PTPRK: variants seen among roughly 807,000 people sequenced by gnomAD.
PTPRK encodes the protein protein tyrosine phosphatase receptor type K, also known as receptor-type tyrosine-protein phosphatase kappa.
Under a neutral mutation model 178.0 loss-of-function variants are expected in PTPRK, and 75 were observed. The ratio of observed to expected loss-of-function variants is 0.42; its 90% CI spans 0.35 to 0.51. The LOEUF is 0.51. Ranked by LOEUF, PTPRK falls within the 20% of genes least tolerant of loss-of-function variation. The pLI is 0.02. For missense variants in PTPRK, 1,441 were observed against 1,797.8 expected, an observed-to-expected ratio of 0.80 and a Z score of 3.59; for synonymous variants, 637 against 620.6, an observed-to-expected ratio of 1.03 and a Z score of -0.39.
intron 1 of PTPRK, among the ~76,000 whole-genome samples, chr6:128,483,181 G>GT (rs1305258815): frequency 6.6e-6 from 1 of 152,056 alleles, no homozygotes; most frequent in African/African-American, 2.4e-5. Context: ...CAAAAGTCGT[G>GT]TTTTTTCTAC....
chr6:128,464,426 C>G (rs1849479936), intron 1 of PTPRK, among the ~76,000 whole-genome samples: 1 of 151,466 alleles, frequency 6.6e-6, no homozygotes, highest in African/African-American at 2.4e-5. Flanking sequence ...TTTGTGTGAT[C>G]TGCCTTAGGA....
chr6:128,193,279 TGA>T (rs1491261902), intron 6 of PTPRK, among the ~76,000 whole-genome samples: 32 of 19,406 alleles, frequency 1.6e-3, no homozygotes, highest in African/African-American at 5.0e-3. Context: ...ATCCAGCTTG[TGA>T]AAAAAAAAAA....
At chr6:128,209,080 A>AC (rs760500099) in intron 6 of PTPRK, among the ~76,000 whole-genome samples, 85 of 147,822 alleles carry the variant, frequency 5.8e-4, no homozygotes, top group Middle Eastern at 3.5e-3. Flanking sequence ...TACCATAACC[A>AC]CCCCCCCCAG....
chr6:128,238,295 G>A, intron 5 of PTPRK: 1 of 355,720 alleles, frequency 2.8e-6, no homozygotes, highest in Non-Finnish European at 5.3e-6. Flanking sequence ...AAAAATGGCA[G>A]GAGGAACATT....
chr6:128,160,946 G>A (rs1331666677), intron 7 of PTPRK, among the ~76,000 whole-genome samples: 4 of 151,476 alleles, frequency 2.6e-5, no homozygotes, highest in Non-Finnish European at 5.9e-5. Context: ...ACCTATATTT[G>A]TATAAAATTT....
At position 127,990,834 on chromosome 6, in the gene PTPRK, T is replaced by G; in HGVS notation, c.3031A>C (p.Lys1011Gln). The G allele has an allele frequency of 6.2e-7, 1 of 1,612,366 alleles. No homozygotes were observed. Among genetic ancestry groups the G allele is most frequent in the Non-Finnish European group, 8.5e-7 (1 of 1,178,744 alleles). The change falls in exon 21 of 30, where the codon AAA (lysine) becomes CAA (glutamine). Residue 1011 changes from lysine to glutamine, a missense_variant. Around this residue, in one of 4 missense-constraint regions of PTPRK, gnomAD observed 945 missense variants for 1,080.6 expected, o/e 0.87. Coordinates refer to ENST00000368226, the MANE Select transcript of PTPRK (RefSeq NM_002844.4). The stretch of plus-strand genomic sequence containing the variant: ...GGTTCCATTTCTACACACGTTACTT[T>G]GAAGTCACCATAAACTTCAGTATCA... ...PDDTEVYGDF[K>Q]VTCVEMEPLA...
intron 13 of PTPRK, among the ~76,000 whole-genome samples, chr6:128,034,955 CA>C (rs2114811955): frequency 2.6e-5 from 4 of 152,258 alleles, no homozygotes; most frequent in African/African-American, 9.6e-5. Flanking sequence ...AAAAGTGAAA[CA>C]GACATGAAAA....
At chr6:128,034,319 T>C (rs1775840412) in intron 13 of PTPRK, among the ~76,000 whole-genome samples, 2 of 152,320 alleles carry the variant, frequency 1.3e-5, no homozygotes, top group Admixed American at 6.5e-5. Context: ...AGAAAAGCTA[T>C]AAGATGTATT....
chr6:128,216,777 G>T (rs1370905566), intron 6 of PTPRK, among the ~76,000 whole-genome samples: 1 of 151,964 alleles, frequency 6.6e-6, no homozygotes, highest in Non-Finnish European at 1.5e-5. Context: ...AAATAAACAG[G>T]CAGAAAATGT....
intron 1 of PTPRK, among the ~76,000 whole-genome samples, chr6:128,413,842 G>C (rs1842563898): frequency 6.6e-6 from 1 of 151,782 alleles, no homozygotes; most frequent in Non-Finnish European, 1.5e-5. Context: ...TTCAAAACAT[G>C]GTTTTATTTC....
At chr6:128,305,744 A>C (rs1377131326) in intron 3 of PTPRK, among the ~76,000 whole-genome samples, 1 of 152,234 alleles carries the variant, frequency 6.6e-6, no homozygotes, top group East Asian at 1.9e-4. Flanking sequence ...TTAACTACAC[A>C]AATGAATTGT....
At chr6:128,303,544 A>C (rs1825946728) in intron 3 of PTPRK, among the ~76,000 whole-genome samples, 1 of 152,202 alleles carries the variant, frequency 6.6e-6, no homozygotes, top group Non-Finnish European at 1.5e-5. Context: ...TTTGTAATAA[A>C]ATGATTTCAT....
intron 1 of PTPRK, among the ~76,000 whole-genome samples, chr6:128,413,116 T>G (rs1842483126): frequency 6.6e-6 from 1 of 152,216 alleles, no homozygotes; most frequent in Non-Finnish European, 1.5e-5. Context: ...TAGAACCAGC[T>G]ATTTGAGAAT....
chr6:128,045,480 A>G (rs1320922332), intron 13 of PTPRK, among the ~76,000 whole-genome samples: 1 of 152,052 alleles, frequency 6.6e-6, no homozygotes. Flanking sequence ...TATTTTGTCC[A>G]TTCTAAGAGG....
At chr6:128,429,405 C>T (rs1438755535) in intron 1 of PTPRK, among the ~76,000 whole-genome samples, 5 of 152,132 alleles carry the variant, frequency 3.3e-5, no homozygotes, top group Non-Finnish European at 7.4e-5. Flanking sequence ...AGGTGATAAG[C>T]CTATGACCTC....
At chr6:128,087,826 CT>C (rs1317681972) in intron 8 of PTPRK, among the ~76,000 whole-genome samples, 1 of 152,108 alleles carries the variant, frequency 6.6e-6, no homozygotes, top group Non-Finnish European at 1.5e-5. Flanking sequence ...AAATTTTGAG[CT>C]AAATGTGGTT....
chr6:128,087,785 T>C (rs994977141), intron 8 of PTPRK, among the ~76,000 whole-genome samples: 3 of 152,166 alleles, frequency 2.0e-5, no homozygotes, highest in South Asian at 2.1e-4. Context: ...AGTAACTCCA[T>C]GTATAGTTTC....
At chr6:128,023,378 C>G (rs1773816137) in intron 13 of PTPRK, among the ~76,000 whole-genome samples, 1 of 152,272 alleles carries the variant, frequency 6.6e-6, no homozygotes, top group Non-Finnish European at 1.5e-5. Context: ...AAATTTTCTT[C>G]ATCAAACCTC....
intron 6 of PTPRK, among the ~76,000 whole-genome samples, chr6:128,192,558 G>A (rs760306053): frequency 1.3e-5 from 2 of 152,096 alleles, no homozygotes; most frequent in African/African-American, 2.4e-5. Flanking sequence ...AGTGGCTCAT[G>A]CCTGTAATCC....
Sources: allele counts gnomAD v4.1 joint callset (sites outside exome capture counted in the v4.1 genomes callset), GRCh38; gene constraint gnomAD v4.1.1; regional missense constraint gnomAD v4.1.1; transcripts MANE v1.5; gene names NCBI Gene and HGNC (gene_info 2026-07-23, HGNC 2026-07-21).